Variants in LOC400499 observed in about 807,000 individuals in gnomAD.
chr16:11,384,672 GAC>G, the LOC400499 span, among the ~76,000 whole-genome samples: 2 of 152,204 alleles, frequency 1.3e-5, no homozygotes, highest in East Asian at 3.8e-4. Context: ...CCACGGATGG[GAC>G]AGAAAGCCCT....
chr16:11,383,362 C>A, the LOC400499 span, among the ~76,000 whole-genome samples: 1 of 152,204 alleles, frequency 6.6e-6, no homozygotes, highest in African/African-American at 2.4e-5. Context: ...CCACCGTGCC[C>A]AGCCTTGCCA....
the LOC400499 span, among the ~76,000 whole-genome samples, chr16:11,466,965 A>T: frequency 1.3e-5 from 2 of 151,854 alleles, no homozygotes; most frequent in African/African-American, 4.8e-5. Context: ...ACATATATAT[A>T]TTTTTGAGAC....
chr16:11,516,184 C>T, the LOC400499 span: 3,621 of 399,880 alleles, frequency 9.1e-3, 125 homozygotes, highest in African/African-American at 0.069. Flanking sequence ...GGTGGCCCTG[C>T]AGGAGGCTCA....
chr16:11,408,126 G>A, the LOC400499 span, among the ~76,000 whole-genome samples: 1 of 151,974 alleles, frequency 6.6e-6, no homozygotes, highest in Admixed American at 6.6e-5. Flanking sequence ...AAGATTACAG[G>A]CATGTACCAC....
the LOC400499 span, chr16:11,391,819 G>A: frequency 1.6e-6 from 2 of 1,232,128 alleles, no homozygotes; most frequent in East Asian, 3.2e-5. Context: ...GACAGCTGCA[G>A]AAGGAGGCCT....
chr16:11,388,993 A>G, the LOC400499 span, among the ~76,000 whole-genome samples: 2 of 152,224 alleles, frequency 1.3e-5, no homozygotes, highest in African/African-American at 2.4e-5. Context: ...AGGCTAAGGC[A>G]GGAGAATCCC....
chr16:11,470,132 T>TG, the LOC400499 span, among the ~76,000 whole-genome samples: 1 of 152,106 alleles, frequency 6.6e-6, no homozygotes, highest in African/African-American at 2.4e-5. Context: ...AGGCTGGTCT[T>TG]GAACTCCTGA....
chr16:11,384,475 A>G, the LOC400499 span: 2 of 423,054 alleles, frequency 4.7e-6, no homozygotes, highest in Non-Finnish European at 8.0e-6. Context: ...GGACTCCTGG[A>G]GCCCAGGCCC....
chr16:11,508,892 G>A, the LOC400499 span: 1 of 398,954 alleles, frequency 2.5e-6, no homozygotes, highest in Non-Finnish European at 4.4e-6. Flanking sequence ...GACCATATGG[G>A]GAAATGCCAG....
the LOC400499 span, chr16:11,448,053 C>A: frequency 6.5e-7 from 1 of 1,535,540 alleles, no homozygotes; most frequent in East Asian, 2.4e-5. Flanking sequence ...CAGCCGTGAG[C>A]GACACCTGGG....
chr16:11,407,390 G>C, the LOC400499 span: 1 of 398,082 alleles, frequency 2.5e-6, no homozygotes, highest in South Asian at 1.3e-4. Context: ...CTCCTCATCA[G>C]GGCTCTGATG....
At chr16:11,491,037 T>C in the LOC400499 span, among the ~76,000 whole-genome samples, 154 of 152,342 alleles carry the variant, frequency 1.0e-3, 1 homozygote, top group African/African-American at 3.5e-3. Flanking sequence ...TGTCTTTGTG[T>C]ATTAACTCAT....
At chr16:11,402,698 C>T in the LOC400499 span, among the ~76,000 whole-genome samples, 10 of 152,186 alleles carry the variant, frequency 6.6e-5, no homozygotes, top group African/African-American at 2.2e-4. Context: ...CCAGCGGAGC[C>T]GCCCGCTCAC....
the LOC400499 span, chr16:11,461,053 G>A: frequency 6.5e-7 from 1 of 1,536,086 alleles, no homozygotes; most frequent in Non-Finnish European, 8.7e-7. Context: ...CACCAGCCCT[G>A]GCACAAACAG....
At chr16:11,429,883 A>T in the LOC400499 span, among the ~76,000 whole-genome samples, 2 of 152,224 alleles carry the variant, frequency 1.3e-5, no homozygotes, top group African/African-American at 4.8e-5. Context: ...TAAAACTAGG[A>T]GGGTCACAAT....
the LOC400499 span, among the ~76,000 whole-genome samples, chr16:11,402,981 C>G: frequency 1.3e-5 from 2 of 152,018 alleles, no homozygotes; most frequent in Non-Finnish European, 2.9e-5. Context: ...TTGGATGTGA[C>G]AGGTGACACC....
the LOC400499 span, among the ~76,000 whole-genome samples, chr16:11,372,902 G>C: frequency 6.6e-6 from 1 of 152,242 alleles, no homozygotes; most frequent in East Asian, 1.9e-4. Flanking sequence ...TGTAAGAGCA[G>C]CGGGCATGGG....
chr16:11,444,583 CCTAAA>C, the LOC400499 span, among the ~76,000 whole-genome samples: 1 of 152,288 alleles, frequency 6.6e-6, no homozygotes, highest in African/African-American at 2.4e-5. Flanking sequence ...GCCCATGAAA[CCTAAA>C]CTAGTTACTA....
At chr16:11,521,656 C>T in the LOC400499 span, among the ~76,000 whole-genome samples, 1 of 152,168 alleles carries the variant, frequency 6.6e-6, no homozygotes, top group Non-Finnish European at 1.5e-5. Flanking sequence ...CCCTAGGGCA[C>T]AGTATGTCCC....
Sources: gnomAD v4.1 joint callset for allele counts (sites outside exome capture counted in the v4.1 genomes callset) on GRCh38, gnomAD v4.1.1 for gene constraint, MANE v1.5 for transcripts.